Variants in KCNQ5 observed in about 807,000 individuals in gnomAD.
The protein encoded by KCNQ5 is potassium voltage-gated channel subfamily Q member 5.
In KCNQ5, 30 loss-of-function variants were observed where a neutral mutation model predicts 98.2. That is an observed-to-expected ratio of 0.31 (90% CI 0.23 to 0.41). The LOEUF (loss-of-function observed/expected upper bound fraction) is 0.41, where lower values mean the gene tolerates loss of function less well. Among genes scored for constraint, KCNQ5 ranks in the 10% least tolerant of loss-of-function variants. The probability of loss-of-function intolerance (pLI) is 1.00; values close to 1 mark genes in which losing one functional copy is unlikely to be tolerated. For missense variants in KCNQ5, 835 were observed against 1,182.5 expected (o/e 0.71, Z 4.31); for synonymous variants, 458 against 449.4 (o/e 1.02, Z -0.24).
chr6:73,180,535 A>T (rs540335506), intron 11 of KCNQ5, among the ~76,000 whole-genome samples: 1 of 152,316 alleles, frequency 6.6e-6, no homozygotes, highest in East Asian at 1.9e-4. Context: ...GCAAGCTGGC[A>T]TGAATCATGA....
intron 11 of KCNQ5, among the ~76,000 whole-genome samples, chr6:73,172,754 T>G (rs936370341): frequency 1.3e-5 from 2 of 152,198 alleles, no homozygotes; most frequent in African/African-American, 4.8e-5. Context: ...GCATTTTTCT[T>G]GTTATTTTTT....
intron 5 of KCNQ5, among the ~76,000 whole-genome samples, chr6:73,083,515 G>C (rs1024927272): frequency 6.6e-6 from 1 of 152,048 alleles, no homozygotes; most frequent in African/African-American, 2.4e-5. Context: ...TTAAAATTAA[G>C]GAAAATAAAT....
At chr6:73,159,845 A>G (rs1777538454) in intron 10 of KCNQ5, among the ~76,000 whole-genome samples, 1 of 152,096 alleles carries the variant, frequency 6.6e-6, no homozygotes, top group Non-Finnish European at 1.5e-5. Context: ...AATTTTTGGC[A>G]TTGTAATTTA....
chr6:72,879,178 A>G, intron 1 of KCNQ5, among the ~76,000 whole-genome samples: 1 of 152,144 alleles, frequency 6.6e-6, no homozygotes, highest in South Asian at 2.1e-4. Context: ...TTTTAATTTT[A>G]CTAGATATTG....
intron 1 of KCNQ5, among the ~76,000 whole-genome samples, chr6:72,777,370 A>C (rs1773211031): frequency 6.6e-6 from 1 of 152,136 alleles, no homozygotes; most frequent in African/African-American, 2.4e-5. Flanking sequence ...GAGTCAATAA[A>C]TATTTAAGAA....
intron 2 of KCNQ5, among the ~76,000 whole-genome samples, chr6:73,010,690 G>A (rs1292845304): frequency 5.4e-5 from 8 of 149,244 alleles, no homozygotes; most frequent in African/African-American, 2.0e-4. Context: ...CAGCAAAGTA[G>A]CAGGATGCAA....
chr6:72,945,229 G>A lies in KCNQ5; in HGVS notation c.399-58679G>A, dbSNP rs115308110. On this transcript the variant is annotated intron_variant, in intron 1 of 13. Coordinates refer to ENST00000370398, the MANE Select transcript of KCNQ5 (RefSeq NM_019842.4). ...AATTTCCTACAAATTTAAGGGAAAA[G>A]CATATGCTTCTTTTTTCTTTTTCTT... Among the ~76,000 whole-genome samples, 1,006 of 152,134 alleles carry A rather than the reference G, an allele frequency of 6.6e-3. 12 individuals are homozygous for A. The highest frequency in any genetic ancestry group is 0.02 in the Middle Eastern group (6 of 294).
intron 1 of KCNQ5, among the ~76,000 whole-genome samples, chr6:72,681,270 C>T (rs970498923): frequency 1.3e-5 from 2 of 152,154 alleles, no homozygotes; most frequent in African/African-American, 4.8e-5. Flanking sequence ...TTTGTAACTA[C>T]TATTATGATA....
At chr6:72,784,338 A>G (rs1773630961) in intron 1 of KCNQ5, among the ~76,000 whole-genome samples, 2 of 152,190 alleles carry the variant, frequency 1.3e-5, no homozygotes, top group African/African-American at 4.8e-5. Flanking sequence ...AGAGAAGAGA[A>G]GAGAGAGAGC....
chr6:73,024,514 A>C (rs1383684133), intron 2 of KCNQ5, among the ~76,000 whole-genome samples: 1 of 151,572 alleles, frequency 6.6e-6, no homozygotes, highest in Non-Finnish European at 1.5e-5. Flanking sequence ...ATCTCCAAGA[A>C]AAAAAAAATT....
intron 1 of KCNQ5, among the ~76,000 whole-genome samples, chr6:72,811,739 G>A (rs772500119): frequency 4.6e-5 from 7 of 152,118 alleles, no homozygotes; most frequent in Admixed American, 1.3e-4. Context: ...TACCGGAAAG[G>A]GTCCCAGTTC....
At position 73,195,135 on chromosome 6, in the gene KCNQ5, G is replaced by C; in HGVS notation, c.2520G>C (p.Glu840Asp). 1 of 1,614,208 alleles carries C rather than the reference G, an allele frequency of 6.2e-7. No homozygotes were observed. Among genetic ancestry groups the C allele is most frequent in the Non-Finnish European group, 8.5e-7 (1 of 1,180,040 alleles). The change falls in exon 14 of 14, where the codon GAG becomes GAC. Residue 840 changes from glutamate to aspartate, a missense_variant. Physicochemically the swap from Glu to Asp is conservative, Grantham distance 45 (BLOSUM62 2). Around this residue, in one of 10 missense-constraint regions of KCNQ5, gnomAD observed 416 missense variants for 446.9 expected, o/e 0.93. Coordinates refer to ENST00000370398, the MANE Select transcript of KCNQ5 (RefSeq NM_019842.4). Reference protein sequence around the residue: ...LSVQNLIRSTEELNIQLSGSE... With the variant: ...LSVQNLIRSTDELNIQLSGSE... ...TGCAAAACCTGATCAGGTCGACCGAGGAACTGAATATACAACTTTCAGGGA... is the reference window on the plus strand; with the variant it reads ...TGCAAAACCTGATCAGGTCGACCGACGAACTGAATATACAACTTTCAGGGA...
intron 3 of KCNQ5, among the ~76,000 whole-genome samples, chr6:73,049,119 A>G (rs947004298): frequency 4.6e-5 from 7 of 152,130 alleles, no homozygotes; most frequent in South Asian, 2.1e-4. Flanking sequence ...ACCCCTGCAC[A>G]TGGCTTTGAA....
chr6:73,151,950 C>A (rs72951081), intron 10 of KCNQ5, among the ~76,000 whole-genome samples: 6,766 of 152,260 alleles, frequency 0.044, 206 homozygotes, highest in Middle Eastern at 0.078. Flanking sequence ...CTAGTCCTAT[C>A]TGGACCAATT....
intron 1 of KCNQ5, among the ~76,000 whole-genome samples, chr6:72,817,016 TCCAGGGA>T (rs1224563276): frequency 6.6e-6 from 1 of 152,194 alleles, no homozygotes; most frequent in Non-Finnish European, 1.5e-5. Context: ...TGGGGTGTTG[TCCAGGGA>T]CTGCTAGGTT....
intron 2 of KCNQ5, among the ~76,000 whole-genome samples, chr6:73,029,383 A>G (rs142787713): frequency 5.3e-5 from 8 of 152,194 alleles, no homozygotes; most frequent in African/African-American, 1.9e-4. Context: ...CATTAAATCT[A>G]ACTGCTAAAT....
intron 1 of KCNQ5, among the ~76,000 whole-genome samples, chr6:72,880,495 C>G (rs557447486): frequency 8.5e-5 from 13 of 152,262 alleles, no homozygotes; most frequent in African/African-American, 3.1e-4. Flanking sequence ...TTTTGACATA[C>G]GAATTTGAAG....
At chr6:73,010,190 T>C (rs1769997170) in intron 2 of KCNQ5, among the ~76,000 whole-genome samples, 1 of 152,074 alleles carries the variant, frequency 6.6e-6, no homozygotes, top group Non-Finnish European at 1.5e-5. Flanking sequence ...AATGAAAGAA[T>C]AATTCAACAC....
intron 1 of KCNQ5, among the ~76,000 whole-genome samples, chr6:72,845,623 T>A (rs1436740591): frequency 2.0e-5 from 3 of 152,224 alleles, no homozygotes; most frequent in African/African-American, 7.2e-5. Flanking sequence ...GTCATCTAGC[T>A]CCTGTTGTCA....
Sources: allele counts gnomAD v4.1 joint callset (sites outside exome capture counted in the v4.1 genomes callset), GRCh38; gene constraint gnomAD v4.1.1; regional missense constraint gnomAD v4.1.1; transcripts MANE v1.5; gene names NCBI Gene and HGNC (gene_info 2026-07-23, HGNC 2026-07-21).